The following PTPRD variants were observed in gnomAD, a reference collection of about 807,000 sequenced individuals.
PTPRD encodes the protein receptor-type tyrosine-protein phosphatase delta.
PTPRD carries 34 observed loss-of-function variants against 214.5 expected under a neutral mutation model. The observed-to-expected ratio is 0.16, with a 90% CI of 0.12 to 0.21. The LOEUF (loss-of-function observed/expected upper bound fraction) is 0.21. PTPRD is among the 10% of genes least tolerant of loss of function. PTPRD has a pLI of 1.00. For synonymous variants in PTPRD, 1,128 were observed against 845.7 expected (o/e 1.33, Z -5.79); for missense variants, 2,545 against 2,398.7 (o/e 1.06, Z -1.27).
chr9:9,583,256 A>G (rs975164461), intron 7 of PTPRD, among the ~76,000 whole-genome samples: 10 of 152,176 alleles, frequency 6.6e-5, no homozygotes, highest in African/African-American at 1.9e-4. Context: ...CTCATTTAGC[A>G]AGTGGGAATT....
intron 12 of PTPRD, chr9:8,713,212 T>G: frequency 1.7e-6 from 1 of 581,110 alleles, no homozygotes; most frequent in Non-Finnish European, 3.1e-6. Context: ...GATCTGAAAT[T>G]TGGTATCCAG....
chr9:9,520,812 T>C (rs1439730147), intron 8 of PTPRD, among the ~76,000 whole-genome samples: 1 of 151,980 alleles, frequency 6.6e-6, no homozygotes, highest in Non-Finnish European at 1.5e-5. Flanking sequence ...AGTCTACGAG[T>C]CGTAGAATCA....
intron 2 of PTPRD, among the ~76,000 whole-genome samples, chr9:10,345,106 C>T (rs745355010): frequency 1.3e-5 from 2 of 152,102 alleles, no homozygotes; most frequent in African/African-American, 4.8e-5. Context: ...GAATTCCAAT[C>T]ACCCACCATT....
At position 10,092,053 on chromosome 9, in the gene PTPRD, A is replaced by C. The variant is rs1312055515; in HGVS notation, c.-544-58263T>G. Reference sequence around the variant, plus strand: ...TGTCCACAAGCTTAAAAATGAAGGAAGTAATGATTAAAGGAAGAAACCATA... The same window carrying C: ...TGTCCACAAGCTTAAAAATGAAGGACGTAATGATTAAAGGAAGAAACCATA... On this transcript the variant is annotated intron_variant, in intron 3 of 45. Transcript: ENST00000381196. Among the ~76,000 whole-genome samples, 3 of 151,444 alleles carry C rather than the reference A, an allele frequency of 2.0e-5. No individual in the cohort carries two copies. The East Asian group carries it at 5.9e-4, about 30-fold the overall frequency.
intron 8 of PTPRD, among the ~76,000 whole-genome samples, chr9:9,570,696 T>C (rs935494907): frequency 6.6e-6 from 1 of 151,526 alleles, no homozygotes; most frequent in African/African-American, 2.4e-5. Context: ...CAGAGATCGA[T>C]AATTTAGAAA....
intron 12 of PTPRD, among the ~76,000 whole-genome samples, chr9:8,728,390 G>T (rs1205748163): frequency 6.6e-6 from 1 of 152,174 alleles, no homozygotes; most frequent in Admixed American, 6.5e-5. Flanking sequence ...TGCAGATGAG[G>T]TCTTGCTATG....
At chr9:9,834,750 C>G (rs1482771116) in intron 5 of PTPRD, among the ~76,000 whole-genome samples, 1 of 151,964 alleles carries the variant, frequency 6.6e-6, no homozygotes, top group African/African-American at 2.4e-5. Flanking sequence ...ATGGTGATTC[C>G]TATTGCATCC....
intron 7 of PTPRD, among the ~76,000 whole-genome samples, chr9:9,697,122 AT>A (rs1352721202): frequency 1.3e-5 from 2 of 152,064 alleles, no homozygotes; most frequent in Non-Finnish European, 2.9e-5. Flanking sequence ...CAATTTACAT[AT>A]TTTTATAGTG....
intron 11 of PTPRD, among the ~76,000 whole-genome samples, chr9:8,818,391 T>A (rs926911411): frequency 4.6e-5 from 7 of 152,210 alleles, no homozygotes; most frequent in African/African-American, 1.7e-4. Context: ...TTATTTATAA[T>A]ACTGCCTTTA....
chr9:8,361,085 G>A (rs957948388), intron 39 of PTPRD, among the ~76,000 whole-genome samples: 1 of 152,166 alleles, frequency 6.6e-6, no homozygotes, highest in Admixed American at 6.5e-5. Flanking sequence ...TGTGAATTAT[G>A]TATGCCAATT....
chr9:8,693,996 G>C (rs2097858886), intron 12 of PTPRD, among the ~76,000 whole-genome samples: 1 of 152,118 alleles, frequency 6.6e-6, no homozygotes, highest in African/African-American at 2.4e-5. Flanking sequence ...AAAAGCATTG[G>C]AAATCTCAAA....
At chr9:8,763,268 T>G (rs1350923129) in intron 11 of PTPRD, among the ~76,000 whole-genome samples, 1 of 152,084 alleles carries the variant, frequency 6.6e-6, no homozygotes, top group South Asian at 2.1e-4. Flanking sequence ...TCCCAGCACT[T>G]TGGGAGGCCG....
intron 3 of PTPRD, among the ~76,000 whole-genome samples, chr9:10,143,191 G>A (rs571314022): frequency 1.3e-5 from 2 of 152,040 alleles, no homozygotes; most frequent in African/African-American, 4.8e-5. Flanking sequence ...GAGTTAGTGG[G>A]TGCAGCGCAC....
At chr9:9,560,877 C>A (rs114950219) in intron 8 of PTPRD, among the ~76,000 whole-genome samples, 240 of 152,230 alleles carry the variant, frequency 1.6e-3, no homozygotes, top group African/African-American at 5.6e-3. Flanking sequence ...CAGGTTCTCC[C>A]TTGCCTTCAT....
At chr9:8,837,743 T>C (rs1224996854) in intron 11 of PTPRD, among the ~76,000 whole-genome samples, 1 of 152,074 alleles carries the variant, frequency 6.6e-6, no homozygotes, top group Admixed American at 6.5e-5. Flanking sequence ...CTCAAGTGAT[T>C]CTCCTGTCTC....
intron 8 of PTPRD, among the ~76,000 whole-genome samples, chr9:9,487,741 T>C (rs1325447459): frequency 6.6e-6 from 1 of 152,166 alleles, no homozygotes; most frequent in Non-Finnish European, 1.5e-5. Context: ...CTGCTCTTGA[T>C]ATAGACTTTG....
chr9:9,946,638 AACCCTCCTGCATCG>A (rs148909516), intron 4 of PTPRD, among the ~76,000 whole-genome samples: 3,541 of 152,102 alleles, frequency 0.023, 144 homozygotes, highest in African/African-American at 0.082. Flanking sequence ...CTGCTCCCCC[AACCCTCCTGCATCG>A]ACACTGGCTT....
chr9:8,763,389 C>T (rs1469909649), intron 11 of PTPRD, among the ~76,000 whole-genome samples: 2 of 151,992 alleles, frequency 1.3e-5, no homozygotes, highest in Non-Finnish European at 2.9e-5. Context: ...TGGCTCATGC[C>T]TGTAATCCTA....
chr9:9,096,203 T>C (rs911877988), intron 10 of PTPRD, among the ~76,000 whole-genome samples: 2 of 152,220 alleles, frequency 1.3e-5, no homozygotes, highest in African/African-American at 4.8e-5. Flanking sequence ...ATGAGATTCA[T>C]GCCAAATGAG....
Sources: allele counts gnomAD v4.1 joint callset (sites outside exome capture counted in the v4.1 genomes callset), GRCh38; gene constraint gnomAD v4.1.1; transcripts MANE v1.5; gene names NCBI Gene and HGNC (gene_info 2026-07-23, HGNC 2026-07-21).